Variants in SMAP1 observed in about 807,000 individuals in gnomAD.
SMAP1 encodes the protein small ArfGAP 1.
SMAP1 carries 24 observed loss-of-function variants against 58.5 expected under a neutral mutation model. That is an observed-to-expected ratio of 0.41 (90% CI 0.30 to 0.58). The LOEUF is 0.58. Ranked by LOEUF, SMAP1 falls within the 20% of genes least tolerant of loss-of-function variation. The pLI is 0.29. For synonymous variants in SMAP1, 216 were observed against 196.6 expected (o/e 1.10, Z -0.82); for missense variants, 563 against 566.3 (o/e 0.99, Z 0.06).
At chr6:70,722,187 A>G (rs1040649976) in intron 1 of SMAP1, among the ~76,000 whole-genome samples, 1 of 152,250 alleles carries the variant, frequency 6.6e-6, no homozygotes, top group Non-Finnish European at 1.5e-5. Context: ...GAGTATTTGT[A>G]AAGAGGTTGC....
At chr6:70,787,853 G>A (rs1341120740) in intron 4 of SMAP1, among the ~76,000 whole-genome samples, 2 of 149,786 alleles carry the variant, frequency 1.3e-5, no homozygotes, top group Non-Finnish European at 3.0e-5. Flanking sequence ...CTGTTGTTGG[G>A]ACTGTACACT....
chr6:70,779,403 G>T (rs1328694047), intron 4 of SMAP1, among the ~76,000 whole-genome samples: 1 of 152,220 alleles, frequency 6.6e-6, no homozygotes, highest in African/African-American at 2.4e-5. Context: ...CTTGGTCCCA[G>T]TGGGTGGGTG....
chr6:70,776,212 C>G (rs973596280), intron 4 of SMAP1, among the ~76,000 whole-genome samples: 1 of 152,110 alleles, frequency 6.6e-6, no homozygotes, highest in Non-Finnish European at 1.5e-5. Flanking sequence ...GAGACAGAGT[C>G]TCGCTCTGTT....
rs11303101 is a variant in SMAP1 at position 70,734,003 on chromosome 6, A to ATT, written c.252+1504_252+1505dup. Among the ~76,000 whole-genome samples, 96 of 149,866 alleles carry ATT rather than the reference A, an allele frequency of 6.4e-4. 1 individual carries two copies. The East Asian group carries it at 0.01, about 16-fold the overall frequency. The stretch of plus-strand genomic sequence containing the variant: ...TTACAAGTACATGGCAATATATTGG[A>ATT]TTTTTTTTTTTTTACAATGTAAGGA... On this transcript the variant is annotated intron_variant, in intron 2 of 10. Transcript: ENST00000370455.
Position 70,836,936 on chromosome 6 carries a change from T to A in SMAP1, c.577-5T>A, listed in dbSNP as rs1375631976. 1.3e-6 allele frequency: 2 copies of A among 1,567,866 alleles called. No homozygotes were observed. Among genetic ancestry groups the A allele is most frequent in the East Asian group, 4.7e-5 (2 of 42,842 alleles). On this transcript the variant is annotated splice_polypyrimidine_tract_variant and splice_region_variant and intron_variant, in intron 6 of 10. Transcript: ENST00000370455. ...AATTAATAAATCCAATTATTTACTT[T>A]AAAGCTGCAGAAGAAAGATCAGCAA...
chr6:70,760,481 T>C (rs1162828166), intron 3 of SMAP1, among the ~76,000 whole-genome samples: 1 of 152,070 alleles, frequency 6.6e-6, no homozygotes, highest in Admixed American at 6.6e-5. Flanking sequence ...CCATATCTAA[T>C]GTAATCTGTA....
At chr6:70,737,656 G>A in intron 2 of SMAP1, among the ~76,000 whole-genome samples, 1 of 152,154 alleles carries the variant, frequency 6.6e-6, no homozygotes, top group East Asian at 1.9e-4. Context: ...TGTCTTTGTA[G>A]TGCTGTGGTG....
At chr6:70,671,796 C>T (rs6940763) in intron 1 of SMAP1, among the ~76,000 whole-genome samples, 2,014 of 152,252 alleles carry the variant, frequency 0.013, 56 homozygotes, top group African/African-American at 0.045. Flanking sequence ...TAGCATGTGT[C>T]GGTACCTCAC....
intron 3 of SMAP1, among the ~76,000 whole-genome samples, chr6:70,768,811 C>G (rs930392767): frequency 6.6e-6 from 1 of 152,056 alleles, no homozygotes; most frequent in Admixed American, 6.5e-5. Flanking sequence ...TGTGTTTGCT[C>G]TTGCTTTTCT....
intron 6 of SMAP1, among the ~76,000 whole-genome samples, chr6:70,836,270 A>G (rs1410668567): frequency 1.3e-5 from 2 of 152,194 alleles, no homozygotes; most frequent in Admixed American, 6.5e-5. Context: ...AGGAAGAGCA[A>G]GTCACATCTT....
intron 7 of SMAP1, among the ~76,000 whole-genome samples, chr6:70,842,481 TCA>T (rs1770840128): frequency 1.3e-5 from 2 of 152,106 alleles, no homozygotes; most frequent in Admixed American, 1.3e-4. Context: ...GTTGATGATA[TCA>T]CAGACTTTAG....
chr6:70,798,348 AT>A (rs1768695938), intron 5 of SMAP1, among the ~76,000 whole-genome samples: 1 of 151,926 alleles, frequency 6.6e-6, no homozygotes, highest in Non-Finnish European at 1.5e-5. Context: ...TATAGTGAGA[AT>A]TTATTGAATG....
At chr6:70,812,336 A>C (rs61197374) in intron 6 of SMAP1, among the ~76,000 whole-genome samples, 1 of 152,358 alleles carries the variant, frequency 6.6e-6, no homozygotes, top group East Asian at 1.9e-4. Flanking sequence ...TTTATCTTTC[A>C]AAATCACACA....
Position 70,798,720 on chromosome 6 carries a change from C to G in SMAP1, c.559C>G (p.Pro187Ala). The G allele has an allele frequency of 6.4e-7, 1 of 1,556,176 alleles. No homozygotes were observed. Among genetic ancestry groups the G allele is most frequent in the Non-Finnish European group, 8.7e-7 (1 of 1,152,410 alleles). The change falls in exon 6 of 11, where the codon CCA (proline) becomes GCA (alanine). Residue 187 changes from proline to alanine, a missense_variant. Coordinates refer to ENST00000370455, the MANE Select transcript of SMAP1 (RefSeq NM_001044305.3). ...REKEPEKPAKPLTAEKLQKKD... is the reference protein window; with the variant it reads ...REKEPEKPAKALTAEKLQKKD... ...AAAGGAGCCAGAAAAGCCGGCAAAA[C>G]CACTTACAGCTGAAAAGGTAAAATT...
chr6:70,702,661 G>A (rs1350613457), intron 1 of SMAP1, among the ~76,000 whole-genome samples: 1 of 150,000 alleles, frequency 6.7e-6, no homozygotes, highest in Non-Finnish European at 1.5e-5. Flanking sequence ...TTTTGAGGCA[G>A]AGTCTAGCTC....
chr6:70,700,772 T>C (rs1454802916), intron 1 of SMAP1, among the ~76,000 whole-genome samples: 1 of 152,246 alleles, frequency 6.6e-6, no homozygotes, highest in Non-Finnish European at 1.5e-5. Context: ...CAAGTTCTAC[T>C]TGGCTACTAG....
rs564598294 is a variant in SMAP1 at position 70,770,390 on chromosome 6, C to G, written c.339-2960C>G. On this transcript the variant is annotated intron_variant, in intron 3 of 10. Transcript: ENST00000370455. Reference sequence around the variant, plus strand: ...CCCCGTCACTTTCAGGTAGATCAATCAGACATAGATTTCGTCTTTTCACAT... The same window carrying G: ...CCCCGTCACTTTCAGGTAGATCAATGAGACATAGATTTCGTCTTTTCACAT... 2.6e-5 allele frequency among the ~76,000 whole-genome samples: 4 copies of G among 152,324 alleles called. No individual in the cohort carries two copies. The South Asian group carries it at 6.2e-4, about 24-fold the overall frequency.
chr6:70,771,131 C>T (rs938760051), intron 3 of SMAP1, among the ~76,000 whole-genome samples: 8 of 152,128 alleles, frequency 5.3e-5, no homozygotes, highest in Admixed American at 1.3e-4. Context: ...GAGGAGTACC[C>T]GGCCGTGTGA....
At chr6:70,784,094 A>G (rs1239705259) in intron 4 of SMAP1, among the ~76,000 whole-genome samples, 1 of 152,242 alleles carries the variant, frequency 6.6e-6, no homozygotes, top group Non-Finnish European at 1.5e-5. Context: ...TCAGACTAAC[A>G]GCTGACCTCT....
Sources: allele counts gnomAD v4.1 joint callset (sites outside exome capture counted in the v4.1 genomes callset), GRCh38; gene constraint gnomAD v4.1.1; transcripts MANE v1.5; gene names NCBI Gene and HGNC (gene_info 2026-07-23, HGNC 2026-07-21).